The following HYDIN variants were observed in gnomAD, a reference collection of about 807,000 sequenced individuals.
The protein encoded by HYDIN is HYDIN axonemal central pair apparatus protein.
A neutral mutation model predicts 403.9 loss-of-function variants in HYDIN; 132 were observed. That is an observed-to-expected ratio of 0.33 (90% confidence interval 0.28 to 0.38). The LOEUF (loss-of-function observed/expected upper bound fraction) is 0.38, where lower values mean the gene tolerates loss of function less well. HYDIN is among the 10% of genes least tolerant of loss of function. The pLI is 1.00. For missense variants in HYDIN, 2,827 were observed against 5,009.5 expected, an observed-to-expected ratio of 0.56 and a Z score of 13.15; for synonymous variants, 1,202 against 1,891.7, an observed-to-expected ratio of 0.64 and a Z score of 9.46.
chr16:71,110,878 A>C (rs2083805374), intron 10 of HYDIN, among the ~76,000 whole-genome samples: 2 of 100,666 alleles, frequency 2.0e-5, no homozygotes, highest in African/African-American at 4.0e-5. Context: ...GCACTCTTAT[A>C]CTCTCCCCCC....
intron 41 of HYDIN, among the ~76,000 whole-genome samples, chr16:70,946,360 A>G (rs2077861622): frequency 6.8e-6 from 1 of 147,122 alleles, no homozygotes; most frequent in East Asian, 2.0e-4. Flanking sequence ...GAGTGATGAG[A>G]GCAATAAAGC....
intron 1 of HYDIN, among the ~76,000 whole-genome samples, chr16:71,229,183 C>T (rs1029601421): frequency 1.3e-5 from 2 of 151,378 alleles, no homozygotes; most frequent in East Asian, 1.9e-4. Context: ...GGAGGGATAG[C>T]ATTTGGAGAT....
In HYDIN at chr16:70,992,431, A is replaced by G. The variant is rs544964453; in HGVS notation, c.3645-221T>C. On this transcript the variant is annotated intron_variant, in intron 23 of 85. Transcript: ENST00000393567. ...TTTTCTGACTACCAGTCTAGGCCCA[A>G]CTTCTTTCCTCTGAGTGTCCATAGC... Among the ~76,000 whole-genome samples the G allele has an allele frequency of 4.3e-4, 60 of 138,420 alleles. 2 individuals carry two copies. Among genetic ancestry groups the G allele is most frequent in the South Asian group, 4.2e-3 (17 of 4,032 alleles). 90.8% of individuals were successfully genotyped at this position (138,420 alleles called of 152,430 possible).
chr16:71,135,279 G>A (rs897815017), intron 8 of HYDIN, among the ~76,000 whole-genome samples: 6 of 152,040 alleles, frequency 3.9e-5, no homozygotes, highest in Admixed American at 1.3e-4. Flanking sequence ...TAAAGAGATA[G>A]GGGTGTGAGT....
At chr16:70,961,772 A>T (rs1442850781) in intron 38 of HYDIN, among the ~76,000 whole-genome samples, 187 bp downstream of exon 38, 2 of 151,624 alleles carry the variant, frequency 1.3e-5, no homozygotes, top group African/African-American at 2.4e-5. Context: ...TCATCACCCA[A>T]CTCTCAAGCT....
rs761214499 is a variant in HYDIN, at chr16:70,970,669, G to A, written c.5470C>T (p.Leu1824=). Residue 1824 remains leucine (L), a synonymous_variant, in exon 36 of 86, where the codon CTG becomes TTG. Transcript: ENST00000393567. ...LARGQGLEPR[L]EFSPSVLDLG... is the part of the protein sequence containing the mutation. ...TCCAGGACTGAAGGACTAAATTCCA[G>A]GCGTGGCTCTAGACCTTGCCCACGT... 2.8e-5 allele frequency: 43 copies of A among 1,534,984 alleles called. No individual in the cohort carries two copies. The East Asian group carries it at 7.7e-4, about 28-fold the overall frequency.
intron 1 of HYDIN, among the ~76,000 whole-genome samples, chr16:71,219,200 T>C (rs2089055893): frequency 2.0e-5 from 3 of 152,100 alleles, no homozygotes; most frequent in African/African-American, 4.8e-5. Context: ...TAATAGCAGT[T>C]TAAAGAAATA....
chr16:71,206,349 A>C (rs2088298913), intron 1 of HYDIN, among the ~76,000 whole-genome samples: 1 of 152,230 alleles, frequency 6.6e-6, no homozygotes, highest in Admixed American at 6.5e-5. Flanking sequence ...GAAGACTAGA[A>C]TCGAAGCCAG....
At chr16:70,967,276 T>C (rs962730797) in intron 36 of HYDIN, among the ~76,000 whole-genome samples, 3 of 152,062 alleles carry the variant, frequency 2.0e-5, no homozygotes, top group Non-Finnish European at 4.4e-5. Context: ...GTAGGAATAT[T>C]GATATTACTA....
intron 75 of HYDIN, among the ~76,000 whole-genome samples, chr16:70,847,815 T>C (rs1299961462): frequency 6.6e-6 from 1 of 152,144 alleles, no homozygotes; most frequent in Admixed American, 6.6e-5. Context: ...GGATATTTAA[T>C]TGTTTTCATT....
intron 18 of HYDIN, among the ~76,000 whole-genome samples, chr16:71,046,628 C>T (rs186701652): frequency 4.3e-3 from 661 of 152,284 alleles, no homozygotes; most frequent in Non-Finnish European, 8.2e-3. Flanking sequence ...AGTCTCTGTC[C>T]TTTCGTTTGT....
chr16:71,191,810 A>T (rs2087451458), intron 1 of HYDIN, among the ~76,000 whole-genome samples: 1 of 152,130 alleles, frequency 6.6e-6, no homozygotes, highest in South Asian at 2.1e-4. Flanking sequence ...AGGCACCTCA[A>T]GCTCAGCATG....
intron 45 of HYDIN, among the ~76,000 whole-genome samples, chr16:70,931,929 C>T (rs746715214): frequency 3.7e-5 from 5 of 133,510 alleles, no homozygotes; most frequent in South Asian, 2.6e-4. Context: ...ACAGGAGAAG[C>T]GCTTGAACCC....
In HYDIN at chr16:71,074,753, C is replaced by T. The variant is rs542748073; in HGVS notation, c.1738+5132G>A. Among the ~76,000 whole-genome samples the T allele has an allele frequency of 4.6e-4, 70 of 150,772 alleles. 1 individual carries two copies. The Middle Eastern group carries it at 0.01, about 22-fold the overall frequency. On this transcript the variant is annotated intron_variant, in intron 13 of 85. Transcript: ENST00000393567. ...AGAAAAGAAAGTTTCAAATGCCTCT[C>T]CACATCCTCCAGTGCCACCATGCTT...
intron 45 of HYDIN, among the ~76,000 whole-genome samples, chr16:70,921,517 C>T (rs2076994721): frequency 6.6e-6 from 1 of 152,102 alleles, no homozygotes; most frequent in Admixed American, 6.5e-5. Flanking sequence ...TCTGCAGGAT[C>T]AAGGGGAAAA....
intron 75 of HYDIN, 80 bp downstream of exon 75, chr16:70,849,643 CAAA>C (rs2038482887): frequency 1.1e-6 from 1 of 900,558 alleles, no homozygotes; most frequent in South Asian, 1.5e-5. Context: ...ATGGAGAAGA[CAAA>C]GAACACACAG....
At chr16:71,177,882 C>T (rs970838488) in intron 4 of HYDIN, among the ~76,000 whole-genome samples, 1 of 152,024 alleles carries the variant, frequency 6.6e-6, no homozygotes, top group Non-Finnish European at 1.5e-5. Flanking sequence ...TGAAATAAAC[C>T]CTAATTTATC....
At position 70,863,870 on chromosome 16, in the gene HYDIN, G is replaced by A. The variant is rs541219935; in HGVS notation, c.11472-688C>T. Among the ~76,000 whole-genome samples the A allele has an allele frequency of 1.9e-4, 29 of 150,424 alleles. 1 individual carries two copies. The highest frequency in any genetic ancestry group is 6.0e-4 in the Admixed American group (9 of 14,998). Reference sequence around the variant, plus strand: ...CTGGGCCACAGAGCGAGACTCTGTCGAAAGAAAAGAAAAGAAAAGAAAGGA... The same window carrying A: ...CTGGGCCACAGAGCGAGACTCTGTCAAAAGAAAAGAAAAGAAAAGAAAGGA... On this transcript the variant is annotated intron_variant, in intron 67 of 85. Coordinates refer to ENST00000393567, the MANE Select transcript of HYDIN (RefSeq NM_001270974.2).
intron 12 of HYDIN, among the ~76,000 whole-genome samples, chr16:71,082,286 C>T (rs1301798347): frequency 6.6e-6 from 1 of 152,136 alleles, no homozygotes; most frequent in Non-Finnish European, 1.5e-5. Flanking sequence ...GACATTTATT[C>T]ATGACACTAG....
Sources: allele counts gnomAD v4.1 joint callset (sites outside exome capture counted in the v4.1 genomes callset), GRCh38; gene constraint gnomAD v4.1.1; transcripts MANE v1.5; gene names NCBI Gene and HGNC (gene_info 2026-07-23, HGNC 2026-07-21).